The following CPLX2 variants were observed in gnomAD, a reference collection of about 807,000 sequenced individuals.
The protein encoded by CPLX2 is complexin-2.
A neutral mutation model predicts 16.3 loss-of-function variants in CPLX2; 5 were observed. The ratio of observed to expected loss-of-function variants is 0.31; its 90% CI spans 0.16 to 0.64. CPLX2 has a LOEUF of 0.64. CPLX2 is among the 30% of genes least tolerant of loss of function. CPLX2 has a pLI of 0.79. For synonymous variants in CPLX2, 89 were observed against 73.2 expected, an observed-to-expected ratio of 1.22 and a Z score of -1.10; for missense variants, 144 against 181.4, an observed-to-expected ratio of 0.79 and a Z score of 1.18.
chr5:175,865,426 C>T (rs890853662), intron 2 of CPLX2, among the ~76,000 whole-genome samples: 4 of 152,124 alleles, frequency 2.6e-5, no homozygotes, highest in East Asian at 1.9e-4. Context: ...CAAATGTAGG[C>T]GACACCATAG....
upstream of CPLX2, among the ~76,000 whole-genome samples, chr5:175,867,491 T>A (rs1405381132): frequency 6.6e-6 from 1 of 152,136 alleles, no homozygotes; most frequent in Admixed American, 6.5e-5. Context: ...TGGCACAGTC[T>A]ATGTAAATGG....
chr5:175,850,465 C>T (rs946455702), intron 2 of CPLX2, among the ~76,000 whole-genome samples: 4 of 152,212 alleles, frequency 2.6e-5, no homozygotes, highest in Non-Finnish European at 5.9e-5. Flanking sequence ...GGACCCTGAC[C>T]ACTAAGGTCA....
intron 2 of CPLX2, among the ~76,000 whole-genome samples, chr5:175,836,857 G>A (rs1171659313): frequency 1.3e-5 from 2 of 152,228 alleles, no homozygotes; most frequent in African/African-American, 4.8e-5. Context: ...GGCAGAGCAA[G>A]TGCCAATGTC....
intron 2 of CPLX2, chr5:175,837,659 C>A (rs1473760209): frequency 6.6e-6 from 1 of 152,206 alleles, no homozygotes; most frequent in African/African-American, 2.4e-5. Context: ...TGAATAAATT[C>A]ATTCAGTTCA....
chr5:175,851,357 G>C (rs1759150791), intron 2 of CPLX2, among the ~76,000 whole-genome samples: 1 of 152,158 alleles, frequency 6.6e-6, no homozygotes, highest in Non-Finnish European at 1.5e-5. Flanking sequence ...GGGGCTGACT[G>C]CCCAGGGCAG....
intron 1 of CPLX2, among the ~76,000 whole-genome samples, chr5:175,801,825 G>A (rs913097116): frequency 2.0e-5 from 3 of 152,170 alleles, no homozygotes; most frequent in African/African-American, 4.8e-5. Context: ...AGCCCGGCTC[G>A]GGGCCTCGAA....
At chr5:175,855,340 G>T (rs10516132) in intron 2 of CPLX2, among the ~76,000 whole-genome samples, 1 of 152,048 alleles carries the variant, frequency 6.6e-6, no homozygotes, top group Non-Finnish European at 1.5e-5. Flanking sequence ...CTTCATCTGC[G>T]TAATGATCAC....
At chr5:175,871,296 A>G (rs1282608750), upstream of CPLX2, among the ~76,000 whole-genome samples, 3 of 117,910 alleles carry the variant, frequency 2.5e-5, no homozygotes, top group African/African-American at 9.6e-5. Context: ...TGGAGGAGAG[A>G]GGGGAGGGGA....
At chr5:175,832,161 A>G (rs887634688) in intron 2 of CPLX2, among the ~76,000 whole-genome samples, 3 of 152,204 alleles carry the variant, frequency 2.0e-5, no homozygotes, top group East Asian at 1.9e-4. Context: ...AATTTTGAGC[A>G]TAGTCTCCAT....
intron 2 of CPLX2, among the ~76,000 whole-genome samples, chr5:175,818,979 T>C (rs913535025): frequency 3.3e-5 from 5 of 152,162 alleles, no homozygotes; most frequent in Admixed American, 1.3e-4. Flanking sequence ...TCTAATTTCA[T>C]AGATTCATTG....
intron 2 of CPLX2, among the ~76,000 whole-genome samples, chr5:175,860,792 G>A (rs1759358720): frequency 6.6e-6 from 1 of 152,130 alleles, no homozygotes; most frequent in Admixed American, 6.5e-5. Flanking sequence ...CCCACCCATG[G>A]CAGTAGGACA....
intron 2 of CPLX2, among the ~76,000 whole-genome samples, chr5:175,861,183 T>G (rs1322590709): frequency 6.6e-6 from 1 of 152,152 alleles, no homozygotes; most frequent in Non-Finnish European, 1.5e-5. Context: ...ATGCCAGGCA[T>G]GTATTCTACC....
intron 2 of CPLX2, among the ~76,000 whole-genome samples, chr5:175,846,120 A>AAC (rs1759038142): frequency 6.6e-6 from 1 of 151,948 alleles, no homozygotes; most frequent in South Asian, 2.1e-4. Context: ...CACACACACA[A>AAC]ACACACACAC....
rs1360371515 is a variant in CPLX2, at chr5:175,830,231, G to A, written c.-89+21163G>A. ...GCTGCCCTGGTTCCCTGCCCCCGGG[G>A]GAGCACAGCCCAGCAAGAGGGAAAT... is the stretch of plus-strand genomic sequence containing the variant. On this transcript the variant is annotated intron_variant, in intron 2 of 4. Transcript: ENST00000359546. The surrounding 1 kb of genome is among the most constrained non-coding windows in gnomAD (Gnocchi z 4.0). Among the ~76,000 whole-genome samples, 1 of 152,234 alleles carries A rather than the reference G, an allele frequency of 6.6e-6. No individual in the cohort carries two copies. Among genetic ancestry groups the A allele is most frequent in the Non-Finnish European group, 1.5e-5 (1 of 68,042 alleles).
rs974000477 is a variant in CPLX2, at chr5:175,830,651, A to G, written c.-89+21583A>G. Among the ~76,000 whole-genome samples the G allele has an allele frequency of 1.3e-5, 2 of 152,212 alleles. No homozygotes were observed. Reference sequence around the variant, plus strand: ...GGCAGGCAAGGGATGAGCACAATCCAGTCTCTGGAGTCCTCACTCCCCAGA... The same window carrying G: ...GGCAGGCAAGGGATGAGCACAATCCGGTCTCTGGAGTCCTCACTCCCCAGA... On this transcript the variant is annotated intron_variant, in intron 2 of 4. Coordinates refer to the CPLX2 transcript ENST00000359546. The surrounding 1 kb of genome is among the most constrained non-coding windows in gnomAD (Gnocchi z 4.0).
At chr5:175,808,831 T>C (rs927990762) in intron 1 of CPLX2, among the ~76,000 whole-genome samples, 3 of 152,090 alleles carry the variant, frequency 2.0e-5, no homozygotes, top group Non-Finnish European at 4.4e-5. Flanking sequence ...CAGGGTCCCA[T>C]CCCGCCCAGC....
intron 2 of CPLX2, among the ~76,000 whole-genome samples, chr5:175,856,015 C>A (rs1251378278): frequency 1.3e-5 from 2 of 152,166 alleles, no homozygotes; most frequent in Non-Finnish European, 2.9e-5. Context: ...CTACATCCAG[C>A]CATGGAGTGA....
At chr5:175,803,860 T>C (rs1399579434) in intron 1 of CPLX2, among the ~76,000 whole-genome samples, 1 of 152,188 alleles carries the variant, frequency 6.6e-6, no homozygotes, top group Non-Finnish European at 1.5e-5. Context: ...AAGTGATGCA[T>C]CTGCAGGACT....
chr5:175,878,959 C>T lies in CPLX2; in HGVS notation c.83C>T (p.Pro28Leu). The change falls in exon 3 of 4, where the codon CCC (proline) becomes CTC (leucine). Residue 28 changes from proline (P) to leucine (L), a missense_variant. Pro to Leu is a moderately conservative substitution (Grantham distance 98). Transcript: ENST00000393745. ...KMLGGEEEKD[P>L]DAQKKEEERQ... Reference sequence around the variant, plus strand: ...CTGGGGGGAGAGGAGGAGAAGGACCCCGACGCGCAGAAAAAGGAGGAGGAG... The same window carrying T: ...CTGGGGGGAGAGGAGGAGAAGGACCTCGACGCGCAGAAAAAGGAGGAGGAG... The T allele has an allele frequency of 6.2e-7, 1 of 1,611,082 alleles. No homozygotes were observed. Among genetic ancestry groups the T allele is most frequent in the Middle Eastern group, 1.7e-4 (1 of 6,034 alleles).
Sources: gnomAD v4.1 joint callset for allele counts (sites outside exome capture counted in the v4.1 genomes callset) on GRCh38, gnomAD v4.1.1 for gene constraint, Gnocchi (gnomAD v3.1) non-coding constraint, MANE v1.5 for transcripts, NCBI Gene and HGNC (gene_info 2026-07-23, HGNC 2026-07-21) for gene names.